KIF15: variants seen among roughly 807,000 people sequenced by gnomAD.
KIF15 encodes kinesin-like protein KIF15.
In KIF15, 140 loss-of-function variants were observed where a neutral mutation model predicts 190.6. That is an observed-to-expected ratio of 0.73 (90% confidence interval 0.64 to 0.84). The LOEUF is 0.84. Ranked by LOEUF, KIF15 falls within the 40% of genes least tolerant of loss-of-function variation. The pLI is 0.00. For synonymous variants in KIF15, 528 were observed against 551.3 expected (o/e 0.96, Z 0.59); for missense variants, 1,372 against 1,584.4 (o/e 0.87, Z 2.28).
chr3:44,851,426 T>C lies in KIF15; in HGVS notation c.3807-361T>C, dbSNP rs535378310. Among the ~76,000 whole-genome samples the C allele has an allele frequency of 2.0e-5, 3 of 152,344 alleles. No homozygotes were observed. The South Asian group carries it at 6.2e-4, about 32-fold the overall frequency. ...TGGTGTCCCACTGTCTGAGGACCAG[T>C]TTTTGAAATCAGAAATGATCAAGAT... is the stretch of plus-strand genomic sequence containing the variant. On this transcript the variant is annotated intron_variant, in intron 32 of 34. Transcript: ENST00000326047.
At chr3:44,794,802 A>G (rs772890897) in intron 8 of KIF15, among the ~76,000 whole-genome samples, 1 of 152,108 alleles carries the variant, frequency 6.6e-6, no homozygotes, top group Non-Finnish European at 1.5e-5. Context: ...TCTACTAAAA[A>G]AATACAAAAG....
intron 15 of KIF15, 34 bp downstream of exon 15, chr3:44,805,202 T>C: frequency 6.4e-7 from 1 of 1,570,464 alleles, no homozygotes; most frequent in Non-Finnish European, 8.6e-7. Context: ...GCACACTTAT[T>C]TTCTTTCAGT....
At chr3:44,814,455 G>A (rs1707937547) in intron 19 of KIF15, among the ~76,000 whole-genome samples, 1 of 152,094 alleles carries the variant, frequency 6.6e-6, no homozygotes, top group Non-Finnish European at 1.5e-5. Context: ...GACCACAGGT[G>A]CTCACCACCA....
intron 28 of KIF15, among the ~76,000 whole-genome samples, chr3:44,840,866 G>T (rs947080052): frequency 6.6e-6 from 1 of 151,740 alleles, no homozygotes; most frequent in Non-Finnish European, 1.5e-5. Flanking sequence ...TAGCGACAGG[G>T]TTTCACTGTG....
intron 6 of KIF15, chr3:44,861,791 C>T (rs957609503): frequency 1.9e-6 from 2 of 1,057,036 alleles, no homozygotes; most frequent in Non-Finnish European, 2.7e-6. Context: ...TCCGAGGCGC[C>T]GGAGAGCGAT....
At chr3:44,774,793 G>A (rs1705795611) in intron 2 of KIF15, among the ~76,000 whole-genome samples, 1 of 152,218 alleles carries the variant, frequency 6.6e-6, no homozygotes, top group South Asian at 2.1e-4. Flanking sequence ...TAGGTCATGT[G>A]AGACTCTGTA....
chr3:44,764,171 T>G (rs568203298), intron 1 of KIF15, among the ~76,000 whole-genome samples: 4 of 152,282 alleles, frequency 2.6e-5, no homozygotes, highest in Admixed American at 1.3e-4. Context: ...TTCAACAAAT[T>G]TTTACATATA....
chr3:44,820,957 G>A (rs1403789956), intron 20 of KIF15, among the ~76,000 whole-genome samples: 2,273 of 150,138 alleles, frequency 0.015, 41 homozygotes, highest in African/African-American at 0.052. Flanking sequence ...CCTCCCGGAC[G>A]GGGTGGCTGG....
intron 23 of KIF15, 82 bp downstream of exon 23, chr3:44,827,610 T>A (rs1697740938): frequency 1.3e-6 from 1 of 765,904 alleles, no homozygotes; most frequent in Non-Finnish European, 2.1e-6. Flanking sequence ...TTATAATGAT[T>A]TCAGCTTGCA....
chr3:44,865,217 G>A, intron 6 of KIF15: 2 of 1,613,172 alleles, frequency 1.2e-6, no homozygotes, highest in Non-Finnish European at 1.7e-6. Flanking sequence ...GAAAGATCAT[G>A]ATGGTGGCCC....
intron 27 of KIF15, 56 bp downstream of exon 27, chr3:44,838,477 C>T: frequency 6.5e-7 from 1 of 1,549,728 alleles, no homozygotes; most frequent in South Asian, 1.2e-5. Context: ...AGTGTAGTGG[C>T]TCACTCCTGT....
chr3:44,797,802 C>G (rs765281630), intron 9 of KIF15, 32 bp from the exon 10 acceptor site: 15 of 1,608,036 alleles, frequency 9.3e-6, no homozygotes, highest in Non-Finnish European at 1.7e-6. Flanking sequence ...TGATTTCTCA[C>G]CGAAAATATG....
chr3:44,832,771 T>C (rs1236681197), intron 26 of KIF15, among the ~76,000 whole-genome samples: 1 of 152,004 alleles, frequency 6.6e-6, no homozygotes, highest in African/African-American at 2.4e-5. Context: ...TCCCAGCATT[T>C]TGGGAGGCCG....
intron 6 of KIF15, chr3:44,864,199 G>A (rs201636053): frequency 4.3e-6 from 7 of 1,613,956 alleles, no homozygotes; most frequent in Non-Finnish European, 5.1e-6. Context: ...TCCTGCAGGT[G>A]AGCATGGGTT....
At chr3:44,801,208 C>T (rs1486661368) in intron 11 of KIF15, among the ~76,000 whole-genome samples, 1 of 84,836 alleles carries the variant, frequency 1.2e-5, no homozygotes, top group Non-Finnish European at 2.5e-5. Context: ...TCGGGGGCGG[C>T]GGGAGGGGGG....
At chr3:44,806,740 C>A (rs547916762) in intron 16 of KIF15, among the ~76,000 whole-genome samples, 3 of 152,080 alleles carry the variant, frequency 2.0e-5, no homozygotes, top group Admixed American at 6.6e-5. Context: ...AATTCAAGTT[C>A]TTTTCTTTTC....
chr3:44,821,282 G>A (rs547981168), intron 20 of KIF15, among the ~76,000 whole-genome samples: 52 of 150,530 alleles, frequency 3.5e-4, no homozygotes, highest in African/African-American at 1.1e-3. Flanking sequence ...CCTCCTGGAC[G>A]GGGCGGCTGG....
intron 20 of KIF15, 62 bp from the exon 21 acceptor site, chr3:44,825,977 T>G (rs1324113370): frequency 1.4e-6 from 2 of 1,412,398 alleles, no homozygotes; most frequent in Non-Finnish European, 9.6e-7. Flanking sequence ...CTGCAGATGA[T>G]CTGATTAATA....
chr3:44,805,562 C>A (rs72875748), intron 15 of KIF15, among the ~76,000 whole-genome samples: 1,914 of 152,178 alleles, frequency 0.013, 37 homozygotes, highest in African/African-American at 0.042. Context: ...AAAATATAAA[C>A]AAATGTTTGG....
Sources: gnomAD v4.1 joint callset for allele counts (sites outside exome capture counted in the v4.1 genomes callset) on GRCh38, gnomAD v4.1.1 for gene constraint, MANE v1.5 for transcripts, NCBI Gene and HGNC (gene_info 2026-07-23, HGNC 2026-07-21) for gene names.